Variants in CRMP1 observed in about 807,000 individuals in gnomAD.
CRMP1 encodes the protein dihydropyrimidinase-related protein 1.
CRMP1 carries 19 observed loss-of-function variants against 68.3 expected under a neutral mutation model. The ratio of observed to expected loss-of-function variants is 0.28; its 90% CI spans 0.19 to 0.41. The LOEUF (loss-of-function observed/expected upper bound fraction) is 0.41, where lower values mean the gene tolerates loss of function less well. Among genes scored for constraint, CRMP1 ranks in the 10% least tolerant of loss-of-function variants. The pLI, the probability that CRMP1 is intolerant of heterozygous loss-of-function variation, is 1.00. For missense variants in CRMP1, 791 were observed against 967.4 expected (o/e 0.82, Z 2.42); for synonymous variants, 439 against 399.6 (o/e 1.10, Z -1.18).
At position 5,892,800 on chromosome 4, in the gene CRMP1, C is replaced by G; in HGVS notation, c.170G>C (p.Arg57Pro). 7.5e-7 allele frequency: 1 copy of G among 1,337,034 alleles called. No individual in the cohort carries two copies. The highest frequency in any genetic ancestry group is 1.8e-5 in the South Asian group (1 of 56,808). The allele number at this position is 1,337,034 out of a possible 1,614,324, so 82.8% of individuals were successfully genotyped here. ...GCGCGGCGTGCGCGCCGAGCCGCGG[C>G]GGCCCACACTGTAGGCGTCGAAGTC... ...TIDFDAYSVG[R>P]RGSARTPRSA... The change falls in exon 1 of 14, where the codon CGC (arginine) becomes CCC (proline). Residue 57 changes from arginine to proline, a missense_variant. Physicochemically the swap from Arg to Pro is moderately radical, Grantham distance 103. Coordinates refer to ENST00000324989, the MANE Select transcript of CRMP1 (RefSeq NM_001014809.3). This position sits in a 1 kb window ranked among gnomAD's most constrained non-coding sequence, Gnocchi z 8.6.
intron 11 of CRMP1, among the ~76,000 whole-genome samples, chr4:5,830,771 G>GA: frequency 6.6e-6 from 1 of 152,174 alleles, no homozygotes; most frequent in East Asian, 1.9e-4. Flanking sequence ...CCTTTTTTCA[G>GA]AACTATTTCA....
At position 5,890,747 on chromosome 4, in the gene CRMP1, C is replaced by G. The variant is rs1339169251; in HGVS notation, c.381+1842G>C. ...CGACCAGCGTCCCCAAGGGTCAGGG[C>G]GCAGCTGCGGGGCTGGCCCAGGCTG... On this transcript the variant is annotated intron_variant, in intron 1 of 13. Coordinates refer to ENST00000324989, the MANE Select transcript of CRMP1 (RefSeq NM_001014809.3). This position sits in a 1 kb window ranked among gnomAD's most constrained non-coding sequence, Gnocchi z 5.5. Among the ~76,000 whole-genome samples, 1 of 152,128 alleles carries G rather than the reference C, an allele frequency of 6.6e-6. No homozygotes were observed. The highest frequency in any genetic ancestry group is 1.5e-5 in the Non-Finnish European group (1 of 68,010).
Position 5,861,298 on chromosome 4 carries a change from C to T in CRMP1, c.471-88G>A. On this transcript the variant is annotated intron_variant, in intron 2 of 13. Coordinates refer to ENST00000324989, the MANE Select transcript of CRMP1 (RefSeq NM_001014809.3). This position sits in a 1 kb window ranked among gnomAD's most constrained non-coding sequence, Gnocchi z 6.0. ...CGCAGCTTCAGTTCCATGAAATAAA[C>T]ATTTCTGAGCCAGGCCCTTCACAAG... 7.2e-7 allele frequency: 1 copy of T among 1,386,472 alleles called. No individual in the cohort carries two copies. Among genetic ancestry groups the T allele is most frequent in the Non-Finnish European group, 9.9e-7 (1 of 1,008,002 alleles). The allele number at this position is 1,386,472 out of a possible 1,614,324, so 85.9% of individuals were successfully genotyped here.
chr4:5,889,732 G>A lies in CRMP1; in HGVS notation c.381+2857C>T. On this transcript the variant is annotated intron_variant, in intron 1 of 13. Coordinates refer to ENST00000324989, the MANE Select transcript of CRMP1 (RefSeq NM_001014809.3). The surrounding 1 kb of genome is among the most constrained non-coding windows in gnomAD (Gnocchi z 4.5). Reference sequence around the variant, plus strand: ...TCAAGTTGCCATCCAGAGCGAGGGTGGCCTAGGCTTGGTACAGCTCCCCCA... The same window carrying A: ...TCAAGTTGCCATCCAGAGCGAGGGTAGCCTAGGCTTGGTACAGCTCCCCCA... 7.2e-6 allele frequency: 11 copies of A among 1,535,792 alleles called. No homozygotes were observed. The highest frequency in any genetic ancestry group is 1.4e-5 in the African/African-American group (1 of 73,166).
At position 5,825,288 on chromosome 4, in the gene CRMP1, C is replaced by T. The variant is rs979988795; in HGVS notation, c.1969+206G>A. On this transcript the variant is annotated intron_variant, in intron 13 of 13. Coordinates refer to ENST00000324989, the MANE Select transcript of CRMP1 (RefSeq NM_001014809.3). This position sits in a 1 kb window ranked among gnomAD's most constrained non-coding sequence, Gnocchi z 4.4. ...CCCACATCAGGTACCACCATGTTGC[C>T]CCCCTAACATGGACCCCCCTCTGCT... 3 of 985,044 alleles carry T rather than the reference C, an allele frequency of 3.0e-6. No individual in the cohort carries two copies. Among genetic ancestry groups the T allele is most frequent in the Non-Finnish European group, 2.4e-6 (2 of 829,906 alleles). The allele number at this position is 985,044 out of a possible 1,614,324, so 61.0% of individuals were successfully genotyped here.
chr4:5,862,407 A>C (rs1189558673), intron 2 of CRMP1, among the ~76,000 whole-genome samples: 1 of 152,124 alleles, frequency 6.6e-6, no homozygotes, highest in Non-Finnish European at 1.5e-5. Flanking sequence ...AGAATGTCCA[A>C]CTTGACTTAG....
chr4:5,841,373 G>T lies in CRMP1; in HGVS notation c.1088C>A (p.Pro363His). ...AITIAGRINCPVYITKVMSKS... is the reference protein window; with the variant it reads ...AITIAGRINCHVYITKVMSKS... ...GCTCATGACCTTGGTGATGTACACA[G>T]GGCAGTTGATCCGGCCCGCAATGGT... Residue 363 changes from proline (P) to histidine (H), a missense_variant, in exon 8 of 14, where the codon CCT becomes CAT. Pro to His is a moderately conservative substitution (Grantham distance 77). Coordinates refer to ENST00000324989, the MANE Select transcript of CRMP1 (RefSeq NM_001014809.3). This position sits in a 1 kb window ranked among gnomAD's most constrained non-coding sequence, Gnocchi z 6.9. 6.2e-7 allele frequency: 1 copy of T among 1,614,152 alleles called. No individual in the cohort carries two copies. Among genetic ancestry groups the T allele is most frequent in the Non-Finnish European group, 8.5e-7 (1 of 1,180,032 alleles).
chr4:5,855,360 G>T lies in CRMP1; in HGVS notation c.820+783C>A, dbSNP rs1160635954. ...TCTCCTTGAAGCACCACCATTTGAG[G>T]CTGCCTCCTCAGAGGGCTCCCCGAC... is the stretch of plus-strand genomic sequence containing the variant. On this transcript the variant is annotated intron_variant, in intron 4 of 13. Transcript: ENST00000324989. The surrounding 1 kb of genome is among the most constrained non-coding windows in gnomAD (Gnocchi z 4.9). Among the ~76,000 whole-genome samples, 1 of 152,192 alleles carries T rather than the reference G, an allele frequency of 6.6e-6. No individual in the cohort carries two copies. The highest frequency in any genetic ancestry group is 1.5e-5 in the Non-Finnish European group (1 of 68,042).
intron 11 of CRMP1, among the ~76,000 whole-genome samples, chr4:5,832,831 G>A (rs1404188425): frequency 6.6e-6 from 1 of 152,160 alleles, no homozygotes; most frequent in Non-Finnish European, 1.5e-5. Flanking sequence ...CAAAAAAGAC[G>A]TGTTGAAATC....
intron 11 of CRMP1, among the ~76,000 whole-genome samples, chr4:5,829,143 G>A (rs188570970): frequency 4.7e-4 from 71 of 152,238 alleles, no homozygotes; most frequent in African/African-American, 1.5e-3. Context: ...CAATTGACAC[G>A]ATATCGGCAC....
At chr4:5,824,340 A>G (rs1173490208) in intron 13 of CRMP1, 2 of 985,312 alleles carry the variant, frequency 2.0e-6, no homozygotes, top group Non-Finnish European at 2.4e-6. Flanking sequence ...AAACACTGGA[A>G]GCTCTTCCAT....
In CRMP1 at chr4:5,850,410, A is replaced by T. The variant is rs1241577307; in HGVS notation, c.883-938T>A. 6.6e-6 allele frequency among the ~76,000 whole-genome samples: 1 copy of T among 152,148 alleles called. No individual in the cohort carries two copies. Among genetic ancestry groups the T allele is most frequent in the Non-Finnish European group, 1.5e-5 (1 of 68,032 alleles). On this transcript the variant is annotated intron_variant, in intron 5 of 13. Coordinates refer to ENST00000324989, the MANE Select transcript of CRMP1 (RefSeq NM_001014809.3). The surrounding 1 kb of genome is among the most constrained non-coding windows in gnomAD (Gnocchi z 4.4). ...AACTGAACCAATTTTCAGCTCTTTGAGTGTCTTTTGTTGACTGTATCAAAG... is the reference window on the plus strand; with the variant it reads ...AACTGAACCAATTTTCAGCTCTTTGTGTGTCTTTTGTTGACTGTATCAAAG...
In CRMP1 at chr4:5,891,961, C is replaced by A. The variant is rs1409256838; in HGVS notation, c.381+628G>T. ...GTGTGCTGTGGAGCTCAGGAGTGCC[C>A]CTTGAATCTACTGGCGCTTGAGGGT... On this transcript the variant is annotated intron_variant, in intron 1 of 13. Transcript: ENST00000324989. This position sits in a 1 kb window ranked among gnomAD's most constrained non-coding sequence, Gnocchi z 5.2. 6.6e-6 allele frequency among the ~76,000 whole-genome samples: 1 copy of A among 152,166 alleles called. No individual in the cohort carries two copies. The highest frequency in any genetic ancestry group is 1.9e-4 in the East Asian group (1 of 5,182).
rs889076585 is a variant in CRMP1 at position 5,821,337 on chromosome 4, G to A, written c.*423C>T. On this transcript the variant is annotated 3_prime_UTR_variant, in exon 14 of 14. Coordinates refer to ENST00000324989, the MANE Select transcript of CRMP1 (RefSeq NM_001014809.3). The surrounding 1 kb of genome is among the most constrained non-coding windows in gnomAD (Gnocchi z 4.4). ...CATCGTGTCTCAGTCAGTCCTTGGC[G>A]ATGTCCCCTCAGACGCACTCACAGA... 7 of 169,680 alleles carry A rather than the reference G, an allele frequency of 4.1e-5. No homozygotes were observed. The highest frequency in any genetic ancestry group is 6.4e-5 in the Non-Finnish European group (5 of 78,234). 10.5% of individuals were successfully genotyped at this position (169,680 alleles called of 1,614,324 possible).
Position 5,843,795 on chromosome 4 carries a change from C to T in CRMP1, c.964-634G>A, listed in dbSNP as rs113654682. 6.6e-3 allele frequency among the ~76,000 whole-genome samples: 1,006 copies of T among 152,234 alleles called. 16 individuals carry two copies. The highest frequency in any genetic ancestry group is 0.022 in the African/African-American group (925 of 41,542). On this transcript the variant is annotated intron_variant, in intron 6 of 13. Transcript: ENST00000324989. This position sits in a 1 kb window ranked among gnomAD's most constrained non-coding sequence, Gnocchi z 4.1. ...CACACGCTCATTAATTGGCAGCCGG[C>T]TCTCATACCTACTTCAGCTGCCTCT...
chr4:5,826,591 G>T (rs1196244544), intron 12 of CRMP1: 2 of 152,360 alleles, frequency 1.3e-5, no homozygotes, highest in Non-Finnish European at 2.9e-5. Flanking sequence ...CTGTCAGCCT[G>T]CTGGGAACTG....
rs1292042799 is a variant in CRMP1 at position 5,861,320 on chromosome 4, C to T, written c.471-110G>A. ...AAACATTTCTGAGCCAGGCCCTTCA[C>T]AAGGCCCTGGGGAGACAGAGATAAC... On this transcript the variant is annotated intron_variant, in intron 2 of 13. Transcript: ENST00000324989. This position sits in a 1 kb window ranked among gnomAD's most constrained non-coding sequence, Gnocchi z 6.0. 3 of 1,113,946 alleles carry T rather than the reference C, an allele frequency of 2.7e-6. No individual in the cohort carries two copies. The highest frequency in any genetic ancestry group is 3.9e-6 in the Non-Finnish European group (3 of 770,046). 69.0% of individuals were successfully genotyped at this position (1,113,946 alleles called of 1,614,324 possible).
Position 5,891,283 on chromosome 4 carries a change from C to A in CRMP1, c.381+1306G>T, listed in dbSNP as rs1553910155. Among the ~76,000 whole-genome samples, 2 of 139,708 alleles carry A rather than the reference C, an allele frequency of 1.4e-5. No individual in the cohort carries two copies. Among genetic ancestry groups the A allele is most frequent in the African/African-American group, 2.5e-5 (1 of 40,296 alleles). The allele number at this position is 139,708 out of a possible 152,430, so 91.7% of individuals were successfully genotyped here. ...CACGGAGAGCTCTGGAGCAACAGCCCGCCCGCGAAGGGATGGGGCCCGAAG... is the reference window on the plus strand; with the variant it reads ...CACGGAGAGCTCTGGAGCAACAGCCAGCCCGCGAAGGGATGGGGCCCGAAG... On this transcript the variant is annotated intron_variant, in intron 1 of 13. Transcript: ENST00000324989. The surrounding 1 kb of genome is among the most constrained non-coding windows in gnomAD (Gnocchi z 5.2).
intron 1 of CRMP1, among the ~76,000 whole-genome samples, chr4:5,885,440 G>A (rs1715513843): frequency 6.6e-6 from 1 of 152,146 alleles, no homozygotes; most frequent in African/African-American, 2.4e-5. Flanking sequence ...CAAGCCCCCA[G>A]GTCTCTCCAC....
Sources: gnomAD v4.1 joint callset for allele counts (sites outside exome capture counted in the v4.1 genomes callset) on GRCh38, gnomAD v4.1.1 for gene constraint, Gnocchi (gnomAD v3.1) non-coding constraint, MANE v1.5 for transcripts, NCBI Gene and HGNC (gene_info 2026-07-23, HGNC 2026-07-21) for gene names.